RPRD1A: variants seen among roughly 807,000 people sequenced by gnomAD.
RPRD1A encodes the protein regulation of nuclear pre-mRNA domain-containing protein 1A.
A neutral mutation model predicts 37.8 loss-of-function variants in RPRD1A; 9 were observed. The ratio of observed to expected loss-of-function variants is 0.24; its 90% CI spans 0.14 to 0.42. The LOEUF is 0.42. Ranked by LOEUF, RPRD1A falls within the 10% of genes least tolerant of loss-of-function variation. The pLI, the probability that RPRD1A is intolerant of heterozygous loss-of-function variation, is 1.00. For synonymous variants in RPRD1A, 138 were observed against 139.7 expected (o/e 0.99, Z 0.08); for missense variants, 255 against 371.0 (o/e 0.69, Z 2.57).
Position 35,995,261 on chromosome 18 carries a change from G to GTT in RPRD1A, c.790-1963_790-1962dup, listed in dbSNP as rs1232555714. ...CTCTCCAATTTTTTTGCTTTTTTTC[G>GTT]TTTTTTTTTTTTTTTTTTTGAGACG... On this transcript the variant is annotated intron_variant, in intron 6 of 6. Transcript: ENST00000399022. Among the ~76,000 whole-genome samples, 367 of 109,192 alleles carry GTT rather than the reference G, an allele frequency of 3.4e-3. 9 individuals carry two copies. The highest frequency in any genetic ancestry group is 6.8e-3 in the Admixed American group (67 of 9,880). 71.6% of individuals were successfully genotyped at this position (109,192 alleles called of 152,430 possible).
chr18:36,031,875 A>C (rs955814110), intron 2 of RPRD1A, among the ~76,000 whole-genome samples: 3 of 152,198 alleles, frequency 2.0e-5, no homozygotes, highest in Non-Finnish European at 2.9e-5. Flanking sequence ...TCTGGGCCAT[A>C]AGGCCCACAT....
intron 6 of RPRD1A, among the ~76,000 whole-genome samples, chr18:36,014,029 A>G (rs942274849): frequency 1.3e-5 from 2 of 152,018 alleles, no homozygotes; most frequent in African/African-American, 4.8e-5. Context: ...GGTACTCCAC[A>G]TTTTCTCCAC....
At chr18:36,013,837 A>G (rs1245605026) in intron 6 of RPRD1A, among the ~76,000 whole-genome samples, 1 of 152,216 alleles carries the variant, frequency 6.6e-6, no homozygotes, top group East Asian at 1.9e-4. Context: ...ATGAAACAGT[A>G]AAACGTTTCA....
chr18:36,007,506 A>C (rs967703340), intron 6 of RPRD1A, among the ~76,000 whole-genome samples: 1 of 151,880 alleles, frequency 6.6e-6, no homozygotes, highest in Non-Finnish European at 1.5e-5. Context: ...GATTCAGAGA[A>C]GGACACTGCT....
chr18:36,013,649 C>T (rs980588063), intron 6 of RPRD1A, among the ~76,000 whole-genome samples: 2 of 152,158 alleles, frequency 1.3e-5, no homozygotes, highest in Admixed American at 6.5e-5. Flanking sequence ...CATGCAAAGA[C>T]CTGCGCCATT....
At chr18:36,032,956 T>C (rs560803353) in intron 2 of RPRD1A, among the ~76,000 whole-genome samples, 25 of 151,894 alleles carry the variant, frequency 1.6e-4, no homozygotes, top group Admixed American at 1.4e-3. Context: ...GTCATTACGG[T>C]GTGGAGAATA....
At chr18:36,032,288 G>A (rs923900288) in intron 2 of RPRD1A, among the ~76,000 whole-genome samples, 1 of 152,126 alleles carries the variant, frequency 6.6e-6, no homozygotes, top group African/African-American at 2.4e-5. Flanking sequence ...TCAGGGTTTT[G>A]CATATAATAA....
intron 6 of RPRD1A, among the ~76,000 whole-genome samples, chr18:35,999,396 G>A (rs1372406748): frequency 1.3e-5 from 2 of 152,106 alleles, no homozygotes; most frequent in Non-Finnish European, 2.9e-5. Flanking sequence ...TTTCAAATTA[G>A]GAAGTGCTAT....
At chr18:36,055,704 A>G (rs1040144959) in intron 1 of RPRD1A, among the ~76,000 whole-genome samples, 12 of 152,240 alleles carry the variant, frequency 7.9e-5, no homozygotes, top group African/African-American at 2.2e-4. Flanking sequence ...TCTAGAATTT[A>G]TATAGAGAAA....
chr18:36,033,682 C>T, intron 2 of RPRD1A, 26 bp downstream of exon 2: 1 of 1,592,200 alleles, frequency 6.3e-7, no homozygotes, highest in Non-Finnish European at 8.5e-7. Flanking sequence ...AAACAGATTA[C>T]CTAATACCCA....
chr18:35,996,899 G>GC (rs1371403810), intron 6 of RPRD1A, among the ~76,000 whole-genome samples: 1 of 147,204 alleles, frequency 6.8e-6, no homozygotes, highest in Non-Finnish European at 1.5e-5. Flanking sequence ...AGTCACCTGG[G>GC]CCCAGGAGGT....
chr18:36,027,020 C>T lies in RPRD1A; in HGVS notation c.669G>A (p.Leu223=). ...CCGCCAATCTGCCATTGTAATCTGC[C>T]AGCAACATACACGCATCCTCTACCA... ...SKMVEDACML[L]ADYNGRLAAE... The change falls in exon 6 of 7, where the codon CTG becomes CTA. Residue 223 remains leucine (L), a synonymous_variant. Transcript: ENST00000399022. 1 of 1,613,968 alleles carries T rather than the reference C, an allele frequency of 6.2e-7. No homozygotes were observed. The highest frequency in any genetic ancestry group is 8.5e-7 in the Non-Finnish European group (1 of 1,179,906).
chr18:36,012,282 G>T (rs1302036864), intron 6 of RPRD1A, among the ~76,000 whole-genome samples: 1 of 152,040 alleles, frequency 6.6e-6, no homozygotes, highest in Non-Finnish European at 1.5e-5. Context: ...TTGTATAAAA[G>T]TACAGTACAA....
intron 4 of RPRD1A, 74 bp from the exon 5 acceptor site, chr18:36,027,384 T>C: frequency 6.5e-7 from 1 of 1,526,956 alleles, no homozygotes; most frequent in Non-Finnish European, 9.0e-7. Flanking sequence ...TTTCATATTC[T>C]TTCATCCCTA....
chr18:36,018,628 C>T (rs867175408), intron 6 of RPRD1A, among the ~76,000 whole-genome samples: 3 of 152,060 alleles, frequency 2.0e-5, no homozygotes, highest in Admixed American at 6.6e-5. Flanking sequence ...TGAGTGCCTA[C>T]CAGGAGACAG....
chr18:36,010,619 G>A (rs1910120335), intron 6 of RPRD1A, among the ~76,000 whole-genome samples: 1 of 152,196 alleles, frequency 6.6e-6, no homozygotes, highest in Non-Finnish European at 1.5e-5. Context: ...AATCAGGCAA[G>A]GAAATGGCAC....
intron 6 of RPRD1A, among the ~76,000 whole-genome samples, chr18:36,012,206 G>T (rs1356429975): frequency 2.0e-5 from 3 of 152,124 alleles, no homozygotes; most frequent in Non-Finnish European, 2.9e-5. Flanking sequence ...ATTGCCTAGT[G>T]TAGCCATCCT....
At chr18:36,064,831 C>T (rs1458267259) in intron 1 of RPRD1A, among the ~76,000 whole-genome samples, 1 of 152,164 alleles carries the variant, frequency 6.6e-6, no homozygotes, top group Admixed American at 6.5e-5. Context: ...TCTTTGGGTC[C>T]CTGCCGCCTT....
chr18:36,002,288 TG>T (rs1376542212), intron 6 of RPRD1A, among the ~76,000 whole-genome samples: 1 of 152,238 alleles, frequency 6.6e-6, no homozygotes, highest in Non-Finnish European at 1.5e-5. Flanking sequence ...GTTCTATTTG[TG>T]GGGACTTCTT....
Sources: gnomAD v4.1 joint callset for allele counts (sites outside exome capture counted in the v4.1 genomes callset) on GRCh38, gnomAD v4.1.1 for gene constraint, MANE v1.5 for transcripts, NCBI Gene and HGNC (gene_info 2026-07-23, HGNC 2026-07-21) for gene names.